The following CABIN1 variants were observed in gnomAD, a reference collection of about 807,000 sequenced individuals.
CABIN1 encodes calcineurin binding protein 1.
CABIN1 carries 133 observed loss-of-function variants against 227.7 expected under a neutral mutation model. The ratio of observed to expected loss-of-function variants is 0.58; its 90% CI spans 0.51 to 0.67. The LOEUF is 0.67. Among genes scored for constraint, CABIN1 ranks in the 30% least tolerant of loss-of-function variants. The pLI, the probability that CABIN1 is intolerant of heterozygous loss-of-function variation, is 0.00. For synonymous variants in CABIN1, 1,086 were observed against 1,155.1 expected (o/e 0.94, Z 1.21); for missense variants, 2,408 against 2,852.5 (o/e 0.84, Z 3.55).
At chr22:24,114,160 A>G (rs2042957977) in intron 27 of CABIN1, among the ~76,000 whole-genome samples, 1 of 152,232 alleles carries the variant, frequency 6.6e-6, no homozygotes, top group African/African-American at 2.4e-5. Flanking sequence ...AGTTTGAATC[A>G]TATGAGGTCT....
At chr22:24,078,071 A>G (rs151049580) in intron 19 of CABIN1, among the ~76,000 whole-genome samples, 29 of 152,176 alleles carry the variant, frequency 1.9e-4, no homozygotes, top group African/African-American at 6.0e-4. Flanking sequence ...CTGCCATGCT[A>G]TTCCTCAGCT....
At chr22:24,093,228 A>G (rs1297742872) in intron 24 of CABIN1, among the ~76,000 whole-genome samples, 1 of 152,188 alleles carries the variant, frequency 6.6e-6, no homozygotes, top group Non-Finnish European at 1.5e-5. Context: ...TCTCTTTTTA[A>G]TATTTGCTAA....
chr22:24,114,671 C>G (rs777619903), intron 27 of CABIN1, among the ~76,000 whole-genome samples: 40 of 152,278 alleles, frequency 2.6e-4, no homozygotes, highest in Non-Finnish European at 4.3e-4. Context: ...AAACTGCCTC[C>G]CTGAGGGACC....
chr22:24,053,258 A>G (rs548496443), intron 8 of CABIN1, among the ~76,000 whole-genome samples: 182 of 151,178 alleles, frequency 1.2e-3, no homozygotes, highest in African/African-American at 3.4e-3. Flanking sequence ...TTTTATTTTT[A>G]GTAGAGATGG....
chr22:24,113,393 T>A (rs937355645), intron 26 of CABIN1, among the ~76,000 whole-genome samples, 173 bp from the exon 27 acceptor site: 1 of 152,198 alleles, frequency 6.6e-6, no homozygotes, highest in African/African-American at 2.4e-5. Flanking sequence ...GGTGAGTTGC[T>A]CCGTGGCCTC....
At chr22:24,140,965 C>T (rs2044720288) in intron 29 of CABIN1, among the ~76,000 whole-genome samples, 1 of 152,196 alleles carries the variant, frequency 6.6e-6, no homozygotes, top group South Asian at 2.1e-4. Flanking sequence ...GCCACTCTAC[C>T]CCTTACTCAG....
chr22:24,023,776 C>T (rs2035890156), intron 1 of CABIN1, among the ~76,000 whole-genome samples: 1 of 151,724 alleles, frequency 6.6e-6, no homozygotes, highest in South Asian at 2.1e-4. Context: ...CTCTGTCACC[C>T]AGGCTGGAGT....
At chr22:24,178,008 A>T in intron 36 of CABIN1, 45 bp from the exon 37 acceptor site, 1 of 1,610,754 alleles carries the variant, frequency 6.2e-7, no homozygotes, top group South Asian at 1.1e-5. Context: ...CTTGGGGCAG[A>T]GCCCAGCCAT....
chr22:24,019,954 G>A (rs1311915102), intron 1 of CABIN1, among the ~76,000 whole-genome samples: 2 of 151,980 alleles, frequency 1.3e-5, no homozygotes, highest in Non-Finnish European at 2.9e-5. Context: ...ACTGTGCTTG[G>A]CCTTTACCCA....
At chr22:24,122,236 G>C (rs986309053) in intron 28 of CABIN1, among the ~76,000 whole-genome samples, 3 of 152,084 alleles carry the variant, frequency 2.0e-5, no homozygotes, top group Non-Finnish European at 2.9e-5. Flanking sequence ...TTGGAGGGAG[G>C]TAACCACAAT....
rs2038983309 is a variant in CABIN1, at chr22:24,058,787, TTCTCTGACCCTGCTC to T, written c.1263-436_1263-422del. ...TGAACATTATCCCCTCTCAAAGGCT[TTCTCTGACCCTGCTC>T]TCTAAAGCAGGGCCCTTTTGACCCA... On this transcript the variant is annotated intron_variant, in intron 10 of 36. Coordinates refer to ENST00000263119, the MANE Select transcript of CABIN1 (RefSeq NM_012295.4). Among the ~76,000 whole-genome samples the T allele has an allele frequency of 2.6e-5, 4 of 152,298 alleles. No individual in the cohort carries two copies. In the South Asian group the frequency reaches 8.3e-4, roughly 32 times the overall value.
chr22:24,094,642 C>A (rs1297361240), intron 24 of CABIN1, among the ~76,000 whole-genome samples: 1 of 151,112 alleles, frequency 6.6e-6, no homozygotes, highest in Non-Finnish European at 1.5e-5. Context: ...AAGGTGAAAC[C>A]CCGTCTCTAC....
chr22:24,142,916 C>G (rs751124024), intron 29 of CABIN1, among the ~76,000 whole-genome samples: 3 of 152,154 alleles, frequency 2.0e-5, no homozygotes, highest in African/African-American at 4.8e-5. Context: ...TCTCCCCTCT[C>G]AGGACCAGTT....
At chr22:24,060,250 G>A in intron 12 of CABIN1, 109 bp downstream of exon 12, 1 of 1,101,502 alleles carries the variant, frequency 9.1e-7, no homozygotes, top group South Asian at 1.3e-5. Context: ...TCTACTTGTG[G>A]GCCTGGAACC....
intron 20 of CABIN1, 95 bp downstream of exon 20, chr22:24,083,484 C>A: frequency 1.4e-6 from 2 of 1,390,978 alleles, no homozygotes; most frequent in Non-Finnish European, 1.0e-6. Flanking sequence ...CTTGGCAGTC[C>A]TGCTTGGAGT....
chr22:24,107,056 C>T (rs986063130), intron 26 of CABIN1, among the ~76,000 whole-genome samples: 1 of 152,194 alleles, frequency 6.6e-6, no homozygotes, highest in Admixed American at 6.5e-5. Context: ...CATCCCTGGA[C>T]TCCTTCCTGT....
chr22:24,060,446 G>A (rs2039107941), intron 12 of CABIN1, among the ~76,000 whole-genome samples: 1 of 152,066 alleles, frequency 6.6e-6, no homozygotes, highest in Non-Finnish European at 1.5e-5. Context: ...GCTGGTTTGT[G>A]GTTGCAGAGC....
At chr22:24,022,083 A>AT (rs984064864) in intron 1 of CABIN1, among the ~76,000 whole-genome samples, 1 of 151,802 alleles carries the variant, frequency 6.6e-6, no homozygotes, top group African/African-American at 2.4e-5. Context: ...TCCCTGTGCT[A>AT]TTTTTTTTAA....
chr22:24,014,007 C>T (rs909528158), intron 1 of CABIN1, among the ~76,000 whole-genome samples: 2 of 152,158 alleles, frequency 1.3e-5, no homozygotes, highest in East Asian at 1.9e-4. Flanking sequence ...TTACCTTGAT[C>T]TATTGGTTTA....
Sources: gnomAD v4.1 joint callset for allele counts (sites outside exome capture counted in the v4.1 genomes callset) on GRCh38, gnomAD v4.1.1 for gene constraint, MANE v1.5 for transcripts, NCBI Gene and HGNC (gene_info 2026-07-23, HGNC 2026-07-21) for gene names.